UNC80: variants seen among roughly 807,000 people sequenced by gnomAD.
The protein encoded by UNC80 is protein unc-80 homolog.
UNC80 carries 164 observed loss-of-function variants against 384.6 expected under a neutral mutation model. The observed-to-expected ratio is 0.43, with a 90% CI of 0.38 to 0.49. UNC80 has a LOEUF of 0.49. Among genes scored for constraint, UNC80 ranks in the 20% least tolerant of loss-of-function variants. The probability of loss-of-function intolerance (pLI) is 0.00; values close to 1 mark genes in which losing one functional copy is unlikely to be tolerated. For synonymous variants in UNC80, 1,486 were observed against 1,527.8 expected, an observed-to-expected ratio of 0.97 and a Z score of 0.64; for missense variants, 3,330 against 4,143.0, an observed-to-expected ratio of 0.80 and a Z score of 5.39.
intron 2 of UNC80, among the ~76,000 whole-genome samples, chr2:209,774,158 C>CTGATGG (rs372385908): frequency 7.2e-5 from 11 of 152,206 alleles, no homozygotes; most frequent in African/African-American, 1.9e-4. Flanking sequence ...GCAAAAAATT[C>CTGATGG]TGATGGAAGC....
At chr2:209,774,310 T>C (rs2076746183) in intron 2 of UNC80, among the ~76,000 whole-genome samples, 1 of 152,216 alleles carries the variant, frequency 6.6e-6, no homozygotes, top group Non-Finnish European at 1.5e-5. Context: ...TGTCATTGAA[T>C]TTAGCTTGTT....
At chr2:209,819,463 T>A (rs1305865707) in intron 12 of UNC80, among the ~76,000 whole-genome samples, 4 of 151,712 alleles carry the variant, frequency 2.6e-5, no homozygotes, top group Non-Finnish European at 4.4e-5. Flanking sequence ...GCATTAGATT[T>A]GATCTGATCT....
Position 209,993,322 on chromosome 2 carries a change from G to A in UNC80, c.9404G>A (p.Arg3135His). Reference protein sequence around the residue: ...GRKRGLRQLRRPLLSRQKTQT... With the variant: ...GRKRGLRQLRHPLLSRQKTQT... ...TCTGCCTATTCTCTTTAGCTAAGAC[G>A]TCCTCTACTATCACGTCAGAAAACT... The change falls in exon 63 of 65, where the codon CGT becomes CAT. Residue 3135 changes from arginine (R) to histidine (H), a missense_variant. Arg to His is a conservative substitution (Grantham distance 29). This residue lies in a region of UNC80 where 236 missense variants were observed against 254.9 expected (regional missense o/e 0.93). Coordinates refer to ENST00000673920, the MANE Select transcript of UNC80 (RefSeq NM_001371986.1). 7 of 1,551,676 alleles carry A rather than the reference G, an allele frequency of 4.5e-6. No homozygotes were observed. The highest frequency in any genetic ancestry group is 1.4e-5 in the African/African-American group (1 of 73,150).
chr2:209,855,498 A>G (rs778688194), intron 22 of UNC80, among the ~76,000 whole-genome samples: 3 of 152,186 alleles, frequency 2.0e-5, no homozygotes, highest in Non-Finnish European at 4.4e-5. Flanking sequence ...AAATGAATAT[A>G]TATCATAAGT....
At chr2:209,805,939 C>T (rs2078869200) in intron 7 of UNC80, among the ~76,000 whole-genome samples, 1 of 152,154 alleles carries the variant, frequency 6.6e-6, no homozygotes, top group Non-Finnish European at 1.5e-5. Context: ...ATGATAATGT[C>T]ACCATCATTT....
intron 22 of UNC80, among the ~76,000 whole-genome samples, chr2:209,853,237 G>T (rs923367760): frequency 1.3e-5 from 2 of 151,932 alleles, no homozygotes; most frequent in Non-Finnish European, 2.9e-5. Flanking sequence ...TTTTTTAAGT[G>T]CAGCTTAAAT....
intron 33 of UNC80, among the ~76,000 whole-genome samples, chr2:209,920,993 A>T (rs928966162): frequency 6.6e-6 from 1 of 151,940 alleles, no homozygotes; most frequent in African/African-American, 2.4e-5. Context: ...ACGCCCAGCT[A>T]ATTTTTGTAT....
intron 29 of UNC80, among the ~76,000 whole-genome samples, chr2:209,906,696 A>G (rs2088262015): frequency 6.6e-6 from 1 of 152,194 alleles, no homozygotes; most frequent in Admixed American, 6.6e-5. Flanking sequence ...TGTGGGGTAC[A>G]AATAAACTAC....
Position 209,918,672 on chromosome 2 carries a change from C to T in UNC80, c.5343+9C>T, listed in dbSNP as rs2089764172. On this transcript the variant is annotated intron_variant, in intron 33 of 64. Coordinates refer to ENST00000673920, the MANE Select transcript of UNC80 (RefSeq NM_001371986.1). ...TTAATGAAGACCAGTCTGTGAGTAA[C>T]AGACACTTCCAGGTTCCATGGTGTA... 1 of 1,541,288 alleles carries T rather than the reference C, an allele frequency of 6.5e-7. No homozygotes were observed. The highest frequency in any genetic ancestry group is 2.0e-5 in the Admixed American group (1 of 50,430).
intron 25 of UNC80, among the ~76,000 whole-genome samples, chr2:209,886,838 A>G (rs1320771451): frequency 1.3e-5 from 2 of 152,182 alleles, no homozygotes; most frequent in Admixed American, 1.3e-4. Context: ...TTAGCTGTTT[A>G]TAGCAGCACA....
At chr2:209,960,098 T>C (rs180830115) in intron 51 of UNC80, among the ~76,000 whole-genome samples, 1 of 152,350 alleles carries the variant, frequency 6.6e-6, no homozygotes, top group East Asian at 1.9e-4. Flanking sequence ...ACATGAGGAA[T>C]GCACAACTAC....
At chr2:209,995,064 T>G (rs959459273) in intron 64 of UNC80, among the ~76,000 whole-genome samples, 2 of 152,188 alleles carry the variant, frequency 1.3e-5, no homozygotes, top group African/African-American at 4.8e-5. Context: ...TTAAAAAACA[T>G]TTTAACACTA....
intron 4 of UNC80, 150 bp downstream of exon 4, chr2:209,777,709 T>A: frequency 1.1e-6 from 1 of 882,746 alleles, no homozygotes; most frequent in Non-Finnish European, 1.7e-6. Flanking sequence ...GTTAAACTAC[T>A]GAACATTGCT....
At chr2:209,925,881 C>T (rs1400740652) in intron 35 of UNC80, among the ~76,000 whole-genome samples, 1 of 152,142 alleles carries the variant, frequency 6.6e-6, no homozygotes, top group African/African-American at 2.4e-5. Flanking sequence ...CTTCATAGGC[C>T]TTCTAAAATC....
At chr2:209,882,868 T>G (rs1207610617) in intron 25 of UNC80, among the ~76,000 whole-genome samples, 5 of 152,182 alleles carry the variant, frequency 3.3e-5, no homozygotes, top group African/African-American at 9.7e-5. Context: ...AAAACTAGAG[T>G]TTAATGGTCC....
chr2:209,840,548 G>T lies in UNC80; in HGVS notation c.3257G>T (p.Trp1086Leu). 6.4e-7 allele frequency: 1 copy of T among 1,551,600 alleles called. No individual in the cohort carries two copies. The highest frequency in any genetic ancestry group is 8.7e-7 in the Non-Finnish European group (1 of 1,146,846). Residue 1086 changes from tryptophan to leucine, a missense_variant, in exon 20 of 65, where the codon TGG (tryptophan) becomes TTG (leucine). Coordinates refer to ENST00000673920, the MANE Select transcript of UNC80 (RefSeq NM_001371986.1). ...TGATTTAACTATTAAATAGGGAACTGGCTGAAGAGATCATCCCTCTCAGGC... is the reference window on the plus strand; with the variant it reads ...TGATTTAACTATTAAATAGGGAACTTGCTGAAGAGATCATCCCTCTCAGGC... ...RKKLKLPIGN[W>L]LKRSSLSGLA...
At chr2:209,984,473 A>G (rs910865013) in intron 60 of UNC80, among the ~76,000 whole-genome samples, 1 of 152,240 alleles carries the variant, frequency 6.6e-6, no homozygotes, top group Non-Finnish European at 1.5e-5. Flanking sequence ...CACCATGTAC[A>G]TAAGACAGGT....
At position 209,995,427 on chromosome 2, in the gene UNC80, T is replaced by C. The variant is rs375009789; in HGVS notation, c.9807T>C (p.Pro3269=). Residue 3269 remains proline (P), a synonymous_variant, in exon 65 of 65, where the codon CCT becomes CCC. Transcript: ENST00000673920. ...HSPLSAQLSD[P]DDFTGLETSS... ...CACTCTCTGCCCAACTCTCTGACCC[T>C]GATGACTTCACAGGCCTCGAGACAT... is the stretch of plus-strand genomic sequence containing the variant. The C allele has an allele frequency of 3.1e-4, 477 of 1,551,802 alleles. 2 individuals carry two copies. The highest frequency in any genetic ancestry group is 2.7e-4 in the Admixed American group (14 of 50,986).
chr2:209,874,668 G>A lies in UNC80; in HGVS notation c.3840+1698G>A, dbSNP rs1169747288. Among the ~76,000 whole-genome samples the A allele has an allele frequency of 3.3e-5, 5 of 152,256 alleles. No homozygotes were observed. The East Asian group carries it at 9.7e-4, about 29-fold the overall frequency. ...CTCGTCATAAACAGATATTCTCCAG[G>A]ATCTCTCTTAATTTCTTCCAATATA... is the stretch of plus-strand genomic sequence containing the variant. On this transcript the variant is annotated intron_variant, in intron 23 of 64. Coordinates refer to ENST00000673920, the MANE Select transcript of UNC80 (RefSeq NM_001371986.1).
Sources: allele counts gnomAD v4.1 joint callset (sites outside exome capture counted in the v4.1 genomes callset), GRCh38; gene constraint gnomAD v4.1.1; regional missense constraint gnomAD v4.1.1; transcripts MANE v1.5; gene names NCBI Gene and HGNC (gene_info 2026-07-23, HGNC 2026-07-21).